The following INSRR variants were observed in gnomAD, a reference collection of about 807,000 sequenced individuals.
INSRR encodes insulin receptor related receptor.
INSRR carries 114 observed loss-of-function variants against 130.0 expected under a neutral mutation model. The ratio of observed to expected loss-of-function variants is 0.88; its 90% confidence interval spans 0.75 to 1.02. The LOEUF (loss-of-function observed/expected upper bound fraction) is 1.02. Ranked by LOEUF, INSRR falls within the 50% of genes least tolerant of loss-of-function variation. The probability of loss-of-function intolerance (pLI) is 0.00; values close to 1 mark genes in which losing one functional copy is unlikely to be tolerated. For missense variants in INSRR, 1,657 were observed against 1,735.2 expected, an observed-to-expected ratio of 0.95 and a Z score of 0.80; for synonymous variants, 674 against 705.2, an observed-to-expected ratio of 0.96 and a Z score of 0.70.
Position 156,842,247 on chromosome 1 carries a change from C to T in INSRR, c.3262G>A (p.Ala1088Thr). The change falls in exon 19 of 22, where the codon GCA becomes ACA. Residue 1088 changes from alanine (A) to threonine (T), a missense_variant. Coordinates refer to ENST00000368195, the MANE Select transcript of INSRR (RefSeq NM_014215.3). ...GCCATTTGGATCATTTCCCCCAATGCTGGCTGTGGGAGCCCAGGGTTGTTC... is the reference window on the plus strand; with the variant it reads ...GCCATTTGGATCATTTCCCCCAATGTTGGCTGTGGGAGCCCAGGGTTGTTC... ...AENNPGLPQP[A>T]LGEMIQMAGE... 1 of 1,614,044 alleles carries T rather than the reference C, an allele frequency of 6.2e-7. No homozygotes were observed. The highest frequency in any genetic ancestry group is 8.5e-7 in the Non-Finnish European group (1 of 1,179,962).
At chr1:156,845,520 C>G in intron 10 of INSRR, 99 bp downstream of exon 10, 1 of 1,473,024 alleles carries the variant, frequency 6.8e-7, no homozygotes, top group South Asian at 1.4e-5. Context: ...CCCGCCCACA[C>G]AAGCAAGGCC....
intron 7 of INSRR, 58 bp downstream of exon 7, chr1:156,848,863 C>A: frequency 6.5e-7 from 1 of 1,529,852 alleles, no homozygotes; most frequent in Non-Finnish European, 8.8e-7. Context: ...CCTGTGGTCC[C>A]GAAGAAATTG....
rs746321316 is a variant in INSRR, at chr1:156,845,620, T to C, written c.2173A>G (p.Ile725Val). 4 of 1,403,942 alleles carry C rather than the reference T, an allele frequency of 2.8e-6. No individual in the cohort carries two copies. The highest frequency in any genetic ancestry group is 4.0e-5 in the Admixed American group (2 of 50,440). 87.0% of individuals were successfully genotyped at this position (1,403,942 alleles called of 1,614,324 possible). A position where few individuals can be genotyped will look rare whatever the true frequency, so the allele number is the denominator to read the frequency against. ...NFLHNAITIP[I>V]SPWKVTSINK... The stretch of plus-strand genomic sequence containing the variant: ...CCAGGCCGCGCGCGCTCTTCGCACA[T>C]GGGGATGGTGATCGCGTTGTGTAGA... Residue 725 changes from isoleucine to valine, a missense_variant and splice_region_variant, in exon 10 of 22, where the codon ATA (isoleucine) becomes GTA (valine). Ile to Val is a conservative substitution (Grantham distance 29). Coordinates refer to ENST00000368195, the MANE Select transcript of INSRR (RefSeq NM_014215.3).
rs929764748 is a variant in INSRR at position 156,841,381 on chromosome 1, G to GGAGGT, written c.3662+8_3662+12dup. The stretch of plus-strand genomic sequence containing the variant: ...AGATCAACAATGAGGAAGGGGCAGG[G>GGAGGT]GAGGTGACTCACAGCTGAAGGGGAC... On this transcript the variant is annotated intron_variant, in intron 21 of 21. Coordinates refer to ENST00000368195, the MANE Select transcript of INSRR (RefSeq NM_014215.3). 7 of 1,612,824 alleles carry GGAGGT rather than the reference G, an allele frequency of 4.3e-6. No homozygotes were observed. Among genetic ancestry groups the GGAGGT allele is most frequent in the Non-Finnish European group, 5.1e-6 (6 of 1,179,142 alleles).
Position 156,843,367 on chromosome 1 carries a change from T to A in INSRR, c.2896+60A>T, listed in dbSNP as rs886871195. ...TGCAAGAAGGTCTTCTGGAAGTCTG[T>A]CTCTGCTCCTCTCCTGTCTCCCTTT... is the stretch of plus-strand genomic sequence containing the variant. On this transcript the variant is annotated intron_variant, in intron 16 of 21. Coordinates refer to ENST00000368195, the MANE Select transcript of INSRR (RefSeq NM_014215.3). 1.7e-5 allele frequency: 27 copies of A among 1,588,872 alleles called. No individual in the cohort carries two copies. In the Middle Eastern group the frequency reaches 8.3e-4, roughly 49 times the overall value.
rs558552257 is a variant in INSRR at position 156,840,565 on chromosome 1, G to A, written c.*308C>T. ...GAGGGGCAGGGCCTCTAGGGTGGGC[G>A]GGCCCCCTCTTCCTAGTCTGAGTGG... On this transcript the variant is annotated 3_prime_UTR_variant, in exon 22 of 22. Coordinates refer to ENST00000368195, the MANE Select transcript of INSRR (RefSeq NM_014215.3). 3 of 407,200 alleles carry A rather than the reference G, an allele frequency of 7.4e-6. No homozygotes were observed. Among genetic ancestry groups the A allele is most frequent in the South Asian group, 2.8e-5 (1 of 35,270 alleles). 25.2% of individuals were successfully genotyped at this position (407,200 alleles called of 1,614,324 possible).
At chr1:156,856,394 C>T (rs923313022) in intron 1 of INSRR, among the ~76,000 whole-genome samples, 10 of 152,238 alleles carry the variant, frequency 6.6e-5, no homozygotes, top group African/African-American at 2.4e-4. Flanking sequence ...GATGCCTGTT[C>T]CCTGAATTAA....
intron 1 of INSRR, among the ~76,000 whole-genome samples, chr1:156,857,657 C>T (rs1197792197): frequency 6.6e-6 from 1 of 152,172 alleles, no homozygotes; most frequent in Non-Finnish European, 1.5e-5. Flanking sequence ...CTACCCAGCC[C>T]ATTGCATCAC....
At chr1:156,843,724 T>G (rs1172399943) in intron 15 of INSRR, among the ~76,000 whole-genome samples, 1 of 152,242 alleles carries the variant, frequency 6.6e-6, no homozygotes, top group Non-Finnish European at 1.5e-5. Context: ...AGCTAGTCCC[T>G]ATAGCCAAGC....
chr1:156,850,531 A>ATTTT (rs1655167936), intron 5 of INSRR, among the ~76,000 whole-genome samples: 2 of 97,020 alleles, frequency 2.1e-5, no homozygotes, highest in African/African-American at 3.9e-5. Context: ...AATTTAAAAC[A>ATTTT]TTCTTTTTTT....
At chr1:156,845,851 G>C (rs1174102904) in intron 9 of INSRR, 37 bp from the exon 10 acceptor site, 1 of 1,586,572 alleles carries the variant, frequency 6.3e-7, no homozygotes, top group Admixed American at 1.8e-5. Flanking sequence ...TAAGACAGGC[G>C]GTCTACCCGC....
At chr1:156,847,214 A>G (rs1428193748) in intron 7 of INSRR, among the ~76,000 whole-genome samples, 1 of 152,200 alleles carries the variant, frequency 6.6e-6, no homozygotes, top group South Asian at 2.1e-4. Context: ...CTCCCAAACT[A>G]TAGCAAAGTT....
In INSRR at chr1:156,844,850, G is replaced by A; in HGVS notation, c.2438-7C>T. 6.2e-7 allele frequency: 1 copy of A among 1,613,882 alleles called. No individual in the cohort carries two copies. Among genetic ancestry groups the A allele is most frequent in the Middle Eastern group, 1.7e-4 (1 of 6,026 alleles). ...GGAATACCATCAGCCTCTCCTGCGG[G>A]AAGGGGCATCCAGCAGCCGGGCCAA... is the stretch of plus-strand genomic sequence containing the variant. On this transcript the variant is annotated splice_polypyrimidine_tract_variant and splice_region_variant and intron_variant, in intron 12 of 21. Transcript: ENST00000368195.
intron 1 of INSRR, among the ~76,000 whole-genome samples, chr1:156,858,278 A>G (rs967822971): frequency 3.3e-5 from 5 of 152,188 alleles, no homozygotes; most frequent in Non-Finnish European, 7.3e-5. Context: ...CTGGGATCAC[A>G]GTTTCACTAG....
At position 156,852,069 on chromosome 1, in the gene INSRR, A is replaced by G. The variant is rs768888122; in HGVS notation, c.760T>C (p.Phe254Leu). 10 of 1,613,520 alleles carry G rather than the reference A, an allele frequency of 6.2e-6. No homozygotes were observed. The Admixed American group carries it at 8.3e-5, about 13-fold the overall frequency. ...CAGGCCCACAGGCAGGCACCCTGGAAGTAGAGGTGGCGGCAAGCTACACAG... is the reference window on the plus strand; with the variant it reads ...CAGGCCCACAGGCAGGCACCCTGGAGGTAGAGGTGGCGGCAAGCTACACAG... Reference protein sequence around the residue: ...RACVACRHLYFQGACLWACPP... With the variant: ...RACVACRHLYLQGACLWACPP... Residue 254 changes from phenylalanine to leucine, a missense_variant, in exon 3 of 22, where the codon TTC (phenylalanine) becomes CTC (leucine). Phe to Leu is a conservative substitution (Grantham distance 22). Coordinates refer to ENST00000368195, the MANE Select transcript of INSRR (RefSeq NM_014215.3).
At position 156,844,800 on chromosome 1, in the gene INSRR, G is replaced by A; in HGVS notation, c.2481C>T (p.Ser827=). The part of the protein sequence containing the change: ...GIPGKVAWEA[S]SKNSVLLRWL... ...AGCGCAGAAGGACACTGTTCTTGCTGGAGGCCTCCCAGGCCACCTTTCCTG... is the reference window on the plus strand; with the variant it reads ...AGCGCAGAAGGACACTGTTCTTGCTAGAGGCCTCCCAGGCCACCTTTCCTG... Residue 827 remains serine, a synonymous_variant, in exon 13 of 22, where the codon TCC becomes TCT. Coordinates refer to ENST00000368195, the MANE Select transcript of INSRR (RefSeq NM_014215.3). 1 of 1,614,166 alleles carries A rather than the reference G, an allele frequency of 6.2e-7. No homozygotes were observed.
chr1:156,845,076 T>G lies in INSRR; in HGVS notation c.2437A>C (p.Arg813=), dbSNP rs150115105. The G allele has an allele frequency of 6.3e-5, 101 of 1,604,914 alleles. No homozygotes were observed. The African/African-American group carries it at 1.3e-3, about 20-fold the overall frequency. The stretch of plus-strand genomic sequence containing the variant: ...GAAGGTGTGTGTGTGGATCACCTAC[T>G]GTGGGGCATGGTGCGCGCAAAGACG... The part of the protein sequence containing the change: ...TFVFARTMPH[R]EADGIPGKVA... Residue 813 remains arginine (R), a splice_region_variant and synonymous_variant, in exon 12 of 22, where the codon AGA becomes CGA. Transcript: ENST00000368195.
intron 10 of INSRR, 74 bp downstream of exon 10, chr1:156,845,545 C>CCCCCCCCCCCCCAA: frequency 1.5e-6 from 2 of 1,331,404 alleles, no homozygotes; most frequent in Non-Finnish European, 2.0e-6. Flanking sequence ...CCACAAACCC[C>CCCCCCCCCCCCCAA]ACCCCTCCCG....
chr1:156,851,273 A>G lies in INSRR; in HGVS notation c.1229+17T>C. ...AGGAGTGTAATAGAAGGAGCTGGTC[A>G]GAGGCCTAACCCTTACCCATCCACC... On this transcript the variant is annotated intron_variant, in intron 5 of 21. Transcript: ENST00000368195. 1.2e-6 allele frequency: 2 copies of G among 1,614,078 alleles called. No individual in the cohort carries two copies. The highest frequency in any genetic ancestry group is 1.7e-6 in the Non-Finnish European group (2 of 1,179,932).
Sources: gnomAD v4.1 joint callset for allele counts (sites outside exome capture counted in the v4.1 genomes callset) on GRCh38, gnomAD v4.1.1 for gene constraint, MANE v1.5 for transcripts, NCBI Gene and HGNC (gene_info 2026-07-23, HGNC 2026-07-21) for gene names.